Variants in YY1 observed in about 807,000 individuals in gnomAD.
YY1 encodes YY1 transcription factor, also known as transcriptional repressor protein YY1.
YY1 carries 2 observed loss-of-function variants against 35.6 expected under a neutral mutation model. The ratio of observed to expected loss-of-function variants is 0.06; its 90% confidence interval spans 0.02 to 0.18. The LOEUF (loss-of-function observed/expected upper bound fraction) is 0.18. YY1 is among the 10% of genes least tolerant of loss of function. The pLI, the probability that YY1 is intolerant of heterozygous loss-of-function variation, is 1.00. For missense variants in YY1, 322 were observed against 573.4 expected (o/e 0.56, Z 4.48); for synonymous variants, 268 against 238.9 (o/e 1.12, Z -1.12).
At position 100,239,738 on chromosome 14, in the gene YY1, C is replaced by T. The variant is rs1389336201; in HGVS notation, c.494C>T (p.Ser165Leu). The T allele has an allele frequency of 5.0e-6, 8 of 1,589,538 alleles. No individual in the cohort carries two copies. Among genetic ancestry groups the T allele is most frequent in the East Asian group, 2.3e-5 (1 of 44,054 alleles). Residue 165 changes from serine (S) to leucine (L), a missense_variant, in exon 1 of 5, where the codon TCG (serine) becomes TTG (leucine). By Grantham distance (145) the Ser-to-Leu change is moderately radical. This residue lies in a region of YY1 where 152 missense variants were observed against 167.1 expected (regional missense o/e 0.91). Transcript: ENST00000262238. ...AAGKSGGGGS[S>L]SSGGGRVKKG... ...GGCAAGAGCGGCGGCGGCGGCTCGTCGTCGTCGGGAGGCGGCCGCGTCAAG... is the reference window on the plus strand; with the variant it reads ...GGCAAGAGCGGCGGCGGCGGCTCGTTGTCGTCGGGAGGCGGCCGCGTCAAG...
chr14:100,257,298 A>C (rs768979560), intron 1 of YY1, among the ~76,000 whole-genome samples: 2 of 152,170 alleles, frequency 1.3e-5, no homozygotes, highest in Non-Finnish European at 2.9e-5. Context: ...TTTTATTCCC[A>C]GTGCCCAGAA....
intron 2 of YY1, among the ~76,000 whole-genome samples, chr14:100,267,441 T>C (rs1891171448): frequency 6.6e-6 from 1 of 152,200 alleles, no homozygotes; most frequent in African/African-American, 2.4e-5. Flanking sequence ...CTTGCTCGCC[T>C]TGACAGTGTA....
At chr14:100,269,967 T>C (rs2139597237) in intron 2 of YY1, among the ~76,000 whole-genome samples, 1 of 152,206 alleles carries the variant, frequency 6.6e-6, no homozygotes, top group East Asian at 1.9e-4. Flanking sequence ...AAAATATCTT[T>C]TAAAAAATTA....
At position 100,276,197 on chromosome 14, in the gene YY1, A is replaced by C; in HGVS notation, c.904-293A>C. ...GCTGGAAGCCAGGGTGTTGGGTTCT[A>C]TTCCCAGTTTGGCTACTACTAGTAG... On this transcript the variant is annotated intron_variant, in intron 3 of 4. Coordinates refer to ENST00000262238, the MANE Select transcript of YY1 (RefSeq NM_003403.5). The surrounding 1 kb of genome is among the most constrained non-coding windows in gnomAD (Gnocchi z 4.1). The C allele has an allele frequency of 9.8e-6, 4 of 406,252 alleles. No individual in the cohort carries two copies. The highest frequency in any genetic ancestry group is 8.8e-5 in the South Asian group (4 of 45,460). The allele number at this position is 406,252 out of a possible 1,614,324, so 25.2% of individuals were successfully genotyped here.
chr14:100,273,351 A>C (rs1243105788), intron 2 of YY1, among the ~76,000 whole-genome samples: 1 of 152,182 alleles, frequency 6.6e-6, no homozygotes, highest in Non-Finnish European at 1.5e-5. Context: ...GCAGTGACAC[A>C]GTCATGGCTT....
intron 1 of YY1, among the ~76,000 whole-genome samples, chr14:100,244,311 C>G (rs1414381691): frequency 9.7e-5 from 13 of 133,606 alleles, no homozygotes; most frequent in African/African-American, 3.0e-4. Flanking sequence ...CTTTTTTTTT[C>G]CTTTTTTACT....
At position 100,276,773 on chromosome 14, in the gene YY1, GAAACA is replaced by G. The variant is rs1246437114; in HGVS notation, c.1062+130_1062+134del. 6.3e-6 allele frequency: 9 copies of G among 1,436,060 alleles called. No individual in the cohort carries two copies. Among genetic ancestry groups the G allele is most frequent in the Non-Finnish European group, 8.6e-6 (9 of 1,041,426 alleles). The allele number at this position is 1,436,060 out of a possible 1,614,324, so 89.0% of individuals were successfully genotyped here. ...TCAGGGTCTTATTACTCCTTGGTGA[GAAACA>G]AAACTTCTCCTGGGGAGTCGCTTAG... On this transcript the variant is annotated intron_variant, in intron 4 of 4. Coordinates refer to ENST00000262238, the MANE Select transcript of YY1 (RefSeq NM_003403.5). This position sits in a 1 kb window ranked among gnomAD's most constrained non-coding sequence, Gnocchi z 4.1.
At chr14:100,269,980 T>C (rs1891210085) in intron 2 of YY1, among the ~76,000 whole-genome samples, 1 of 151,962 alleles carries the variant, frequency 6.6e-6, no homozygotes, top group Non-Finnish European at 1.5e-5. Context: ...AAAAATTAAG[T>C]GGCCAGGCGC....
At chr14:100,270,997 G>A (rs912754719) in intron 2 of YY1, among the ~76,000 whole-genome samples, 10 of 150,542 alleles carry the variant, frequency 6.6e-5, no homozygotes, top group South Asian at 2.1e-4. Flanking sequence ...TGTAATCCCC[G>A]CACTTTGGGA....
intron 1 of YY1, among the ~76,000 whole-genome samples, chr14:100,251,654 T>G (rs1890926549): frequency 6.6e-6 from 1 of 152,146 alleles, no homozygotes; most frequent in Non-Finnish European, 1.5e-5. Flanking sequence ...GGGCTTTTTT[T>G]GCACACTACT....
chr14:100,266,463 C>T (rs969188828), intron 2 of YY1, among the ~76,000 whole-genome samples: 1 of 152,030 alleles, frequency 6.6e-6, no homozygotes, highest in Non-Finnish European at 1.5e-5. Context: ...GTGTTGGTGA[C>T]CCTTGGCACT....
chr14:100,242,537 C>A (rs1890766151), intron 1 of YY1, among the ~76,000 whole-genome samples: 1 of 151,482 alleles, frequency 6.6e-6, no homozygotes, highest in Admixed American at 6.6e-5. Context: ...TACAGGCGCC[C>A]ACCACCACGC....
Position 100,278,490 on chromosome 14 carries a change from C to G in YY1, c.*890C>G, listed in dbSNP as rs1386089552. The G allele has an allele frequency of 6.6e-6, 1 of 152,578 alleles. No homozygotes were observed. The highest frequency in any genetic ancestry group is 1.5e-5 in the Non-Finnish European group (1 of 68,026). The allele number at this position is 152,578 out of a possible 1,614,324, so 9.5% of individuals were successfully genotyped here. A position where few individuals can be genotyped will look rare whatever the true frequency, so the allele number is the denominator to read the frequency against. ...AAGCAAGAATATGGCAGAACAAGAT[C>G]TGTAAGCACAGTCTTATTTTCTTTT... On this transcript the variant is annotated 3_prime_UTR_variant, in exon 5 of 5. Coordinates refer to ENST00000262238, the MANE Select transcript of YY1 (RefSeq NM_003403.5).
At chr14:100,245,652 G>A (rs1167117143) in intron 1 of YY1, among the ~76,000 whole-genome samples, 1 of 151,954 alleles carries the variant, frequency 6.6e-6, no homozygotes, top group Non-Finnish European at 1.5e-5. Context: ...TGTTGCCCAG[G>A]CTGGAGTGCA....
chr14:100,240,061 G>GGCGGGGGC (rs1890704959), intron 1 of YY1, 138 bp downstream of exon 1: 2 of 809,436 alleles, frequency 2.5e-6, no homozygotes, highest in African/African-American at 1.8e-5. Flanking sequence ...GCCGTGCGGC[G>GGCGGGGGC]GCGGGGGCGC....
chr14:100,249,782 G>GTTTTTGT (rs1890897805), intron 1 of YY1, among the ~76,000 whole-genome samples: 26 of 127,396 alleles, frequency 2.0e-4, no homozygotes, highest in East Asian at 1.1e-3. Flanking sequence ...TTTTGTTTTT[G>GTTTTTGT]TTTTTTTTTG....
intron 1 of YY1, among the ~76,000 whole-genome samples, chr14:100,260,833 C>A (rs1891076514): frequency 9.4e-6 from 1 of 106,406 alleles, no homozygotes; most frequent in African/African-American, 3.7e-5. Context: ...TTGCTCTAGA[C>A]TGAAGTTGCA....
At chr14:100,265,781 T>G (rs1381307211) in intron 2 of YY1, among the ~76,000 whole-genome samples, 1 of 151,374 alleles carries the variant, frequency 6.6e-6, no homozygotes, top group African/African-American at 2.4e-5. Context: ...CCCAAGTAGC[T>G]GGGATTACAG....
intron 1 of YY1, among the ~76,000 whole-genome samples, chr14:100,251,768 C>T (rs997419356): frequency 1.3e-5 from 2 of 152,130 alleles, no homozygotes; most frequent in African/African-American, 4.8e-5. Flanking sequence ...CCTTCCTCCC[C>T]TCCCCTCCCT....
Sources: allele counts gnomAD v4.1 joint callset (sites outside exome capture counted in the v4.1 genomes callset), GRCh38; gene constraint gnomAD v4.1.1; regional missense constraint gnomAD v4.1.1; non-coding constraint Gnocchi (gnomAD v3.1); transcripts MANE v1.5; gene names NCBI Gene and HGNC (gene_info 2026-07-23, HGNC 2026-07-21).